Variants in ADGRA3 observed in about 807,000 individuals in gnomAD.
ADGRA3 encodes the protein G-protein coupled receptor 125.
Under a neutral mutation model 119.8 loss-of-function variants are expected in ADGRA3, and 56 were observed. That is an observed-to-expected ratio of 0.47 (90% CI 0.38 to 0.58). The LOEUF is 0.58. Among genes scored for constraint, ADGRA3 ranks in the 20% least tolerant of loss-of-function variants. The probability of loss-of-function intolerance (pLI) is 0.00; values close to 1 mark genes in which losing one functional copy is unlikely to be tolerated. For missense variants in ADGRA3, 1,516 were observed against 1,649.0 expected (o/e 0.92, Z 1.40); for synonymous variants, 607 against 623.8 (o/e 0.97, Z 0.40).
In ADGRA3 at chr4:22,388,827, G is replaced by A. The variant is rs1266992917; in HGVS notation, c.2844C>T (p.Arg948=). The A allele has an allele frequency of 6.2e-7, 1 of 1,613,870 alleles. No homozygotes were observed. The highest frequency in any genetic ancestry group is 1.3e-5 in the African/African-American group (1 of 74,866). The change falls in exon 19 of 19, where the codon CGC becomes CGT. Residue 948 remains arginine, a synonymous_variant. Transcript: ENST00000334304. The part of the protein sequence containing the change: ...IFIQLKRHPE[R]KYELKEPTEE... ...CCGTGGGCTCCTTAAGCTCATATTTGCGCTCAGGGTGTCTTTTCAACTGAA... is the reference window on the plus strand; with the variant it reads ...CCGTGGGCTCCTTAAGCTCATATTTACGCTCAGGGTGTCTTTTCAACTGAA...
chr4:22,387,935 G>A lies in ADGRA3; in HGVS notation c.3736C>T (p.Leu1246Phe). The change falls in exon 19 of 19, where the codon CTT becomes TTT. Residue 1246 changes from leucine to phenylalanine, a missense_variant. Around this residue, in one of 2 missense-constraint regions of ADGRA3, gnomAD observed 1,088 missense variants for 1,107.1 expected, o/e 0.98. Coordinates refer to ENST00000334304, the MANE Select transcript of ADGRA3 (RefSeq NM_145290.4). The part of the protein sequence containing the change: ...QQDSSDACST[L>F]PKSSRNFEKP... The stretch of plus-strand genomic sequence containing the variant: ...TCAAAATTTCTGCTACTTTTGGGAA[G>A]TGTGCTACAAGCATCGCTGCTGTCT... 1 of 1,614,162 alleles carries A rather than the reference G, an allele frequency of 6.2e-7. No homozygotes were observed. The highest frequency in any genetic ancestry group is 8.5e-7 in the Non-Finnish European group (1 of 1,180,016).
At chr4:22,446,851 G>C (rs1415100365) in intron 5 of ADGRA3, among the ~76,000 whole-genome samples, 1 of 152,116 alleles carries the variant, frequency 6.6e-6, no homozygotes, top group African/African-American at 2.4e-5. Flanking sequence ...AGGTTTATCT[G>C]AAAATAGTTA....
rs751718022 is a variant in ADGRA3 at position 22,413,584 on chromosome 4, A to G, written c.2023+17T>C. The G allele has an allele frequency of 6.2e-6, 10 of 1,604,224 alleles. No individual in the cohort carries two copies. The highest frequency in any genetic ancestry group is 2.6e-6 in the Non-Finnish European group (3 of 1,171,096). On this transcript the variant is annotated intron_variant, in intron 13 of 18. Transcript: ENST00000334304. The stretch of plus-strand genomic sequence containing the variant: ...TATTGTCCACTGACTACAGGATAAC[A>G]TATGCCACATACAAACCTATTTTGG...
Position 22,469,301 on chromosome 4 carries a change from T to C in ADGRA3, c.329+4471A>G, listed in dbSNP as rs142621854. The stretch of plus-strand genomic sequence containing the variant: ...TTACTTGTCTGAATCGTTTCATTTA[T>C]TGTCTATTTTCTCAATCACTAGACT... On this transcript the variant is annotated intron_variant, in intron 2 of 18. Transcript: ENST00000334304. Among the ~76,000 whole-genome samples, 444 of 152,334 alleles carry C rather than the reference T, an allele frequency of 2.9e-3. 5 individuals are homozygous for C. Among genetic ancestry groups the C allele is most frequent in the African/African-American group, 9.8e-3 (407 of 41,576 alleles).
chr4:22,387,668 A>G lies in ADGRA3; in HGVS notation c.*37T>C. The G allele has an allele frequency of 6.4e-7, 1 of 1,553,624 alleles. No individual in the cohort carries two copies. Among genetic ancestry groups the G allele is most frequent in the East Asian group, 2.3e-5 (1 of 44,252 alleles). The stretch of plus-strand genomic sequence containing the variant: ...TAGCTTCAAGGAATGTGAGTATCAC[A>G]GTTTATATGAATTTCTGCCTAGGAA... On this transcript the variant is annotated 3_prime_UTR_variant, in exon 19 of 19. Coordinates refer to ENST00000334304, the MANE Select transcript of ADGRA3 (RefSeq NM_145290.4).
At chr4:22,434,357 T>G (rs1452170398) in intron 10 of ADGRA3, among the ~76,000 whole-genome samples, 2 of 151,928 alleles carry the variant, frequency 1.3e-5, no homozygotes, top group Non-Finnish European at 2.9e-5. Context: ...ATACGCAGGT[T>G]TTGTTTAGCC....
At chr4:22,474,332 T>C (rs560636532) in intron 1 of ADGRA3, among the ~76,000 whole-genome samples, 1 of 152,244 alleles carries the variant, frequency 6.6e-6, no homozygotes, top group Non-Finnish European at 1.5e-5. Flanking sequence ...ACAAATCTAC[T>C]GTCCATTTGT....
At chr4:22,474,714 C>G (rs926421355) in intron 1 of ADGRA3, among the ~76,000 whole-genome samples, 8 of 152,098 alleles carry the variant, frequency 5.3e-5, no homozygotes, top group Admixed American at 2.6e-4. Context: ...AATGGCAGAC[C>G]CAGATTTTGT....
At chr4:22,466,657 A>G (rs894210467) in intron 2 of ADGRA3, among the ~76,000 whole-genome samples, 1 of 151,528 alleles carries the variant, frequency 6.6e-6, no homozygotes, top group Non-Finnish European at 1.5e-5. Context: ...CAGAGGCTGC[A>G]GTGCCGAGAT....
chr4:22,491,397 G>A (rs1345320993), intron 1 of ADGRA3, among the ~76,000 whole-genome samples: 1 of 152,142 alleles, frequency 6.6e-6, no homozygotes, highest in Non-Finnish European at 1.5e-5. Context: ...TAACAATTGG[G>A]TATAATTTTT....
chr4:22,503,511 C>G (rs991826740), intron 1 of ADGRA3, among the ~76,000 whole-genome samples: 1 of 152,180 alleles, frequency 6.6e-6, no homozygotes, highest in African/African-American at 2.4e-5. Flanking sequence ...TCCATACTTG[C>G]TCTTTCTTTC....
At chr4:22,396,711 C>T (rs1714369993) in intron 16 of ADGRA3, among the ~76,000 whole-genome samples, 1 of 152,076 alleles carries the variant, frequency 6.6e-6, no homozygotes. Flanking sequence ...TGTCTTTCAT[C>T]AAAGGGAAAC....
Position 22,445,040 on chromosome 4 carries a change from C to G in ADGRA3, c.639G>C (p.Arg213Ser). The change falls in exon 6 of 19, where the codon AGG becomes AGC. Residue 213 changes from arginine to serine, a missense_variant. Transcript: ENST00000334304. The part of the protein sequence containing the change: ...KEKNITVRDT[R>S]CVYPKSLQAQ... ...CCTGCAGTGACTTAGGATAAACACA[C>G]CTGGTATCCCGTACCGTGATGTTCT... 1.2e-6 allele frequency: 2 copies of G among 1,613,948 alleles called. No homozygotes were observed. Among genetic ancestry groups the G allele is most frequent in the Non-Finnish European group, 1.7e-6 (2 of 1,179,930 alleles).
At chr4:22,502,415 G>T (rs1030401365) in intron 1 of ADGRA3, among the ~76,000 whole-genome samples, 4 of 152,164 alleles carry the variant, frequency 2.6e-5, no homozygotes, top group East Asian at 1.9e-4. Context: ...CAGGCATTGA[G>T]ATATATCACA....
chr4:22,399,361 C>T (rs1041071980), intron 16 of ADGRA3, among the ~76,000 whole-genome samples: 1 of 151,960 alleles, frequency 6.6e-6, no homozygotes, highest in Non-Finnish European at 1.5e-5. Context: ...TATTTTTAGT[C>T]AAAATTATTT....
chr4:22,395,613 G>A (rs950372847), intron 16 of ADGRA3, among the ~76,000 whole-genome samples: 1 of 152,180 alleles, frequency 6.6e-6, no homozygotes, highest in African/African-American at 2.4e-5. Context: ...CAAAGCCCTT[G>A]CCCTTTCTTC....
In ADGRA3 at chr4:22,515,823, TGGCCTAGCGGGCCGCCCCGGAGCCCG is replaced by T. The variant is rs1250613503; in HGVS notation, c.-65_-40del. 1.0e-6 allele frequency: 1 copy of T among 983,772 alleles called. No homozygotes were observed. Among genetic ancestry groups the T allele is most frequent in the African/African-American group, 1.8e-5 (1 of 56,636 alleles). 60.9% of individuals were successfully genotyped at this position (983,772 alleles called of 1,614,324 possible). A position where few individuals can be genotyped will look rare whatever the true frequency, so the allele number is the denominator to read the frequency against. ...GCCTGCGGGGCGAGCGGCGGCGCACTGGCCTAGCGGGCCGCCCCGGAGCCCGGGCGGGCAGGAGCGCGGCGCGGGCC... is the reference window on the plus strand; with the variant it reads ...GCCTGCGGGGCGAGCGGCGGCGCACTGGCGGGCAGGAGCGCGGCGCGGGCC... On this transcript the variant is annotated 5_prime_UTR_variant, in exon 1 of 19. It removes the in-frame stop codon of an upstream open reading frame in the 5' UTR. Transcript: ENST00000334304.
intron 9 of ADGRA3, among the ~76,000 whole-genome samples, chr4:22,436,197 T>TA (rs1716383851): frequency 1.3e-5 from 2 of 151,748 alleles, no homozygotes; most frequent in South Asian, 2.1e-4. Flanking sequence ...GGATACAGAT[T>TA]AAAAAAAAGA....
chr4:22,418,131 C>T (rs928133527), intron 12 of ADGRA3, among the ~76,000 whole-genome samples: 2 of 152,134 alleles, frequency 1.3e-5, no homozygotes, highest in African/African-American at 4.8e-5. Flanking sequence ...TGAAAGGAAA[C>T]ATTTCATTGA....
Sources: allele counts gnomAD v4.1 joint callset (sites outside exome capture counted in the v4.1 genomes callset), GRCh38; gene constraint gnomAD v4.1.1; regional missense constraint gnomAD v4.1.1; transcripts MANE v1.5; gene names NCBI Gene and HGNC (gene_info 2026-07-23, HGNC 2026-07-21).